Variants in CSGALNACT1 observed in about 807,000 individuals in gnomAD.
The protein encoded by CSGALNACT1 is beta4GalNAcT-1.
A neutral mutation model predicts 51.0 loss-of-function variants in CSGALNACT1; 52 were observed. The ratio of observed to expected loss-of-function variants is 1.02; its 90% CI spans 0.82 to 1.29. CSGALNACT1 has a LOEUF of 1.29. CSGALNACT1 is among the 50% of genes most tolerant of loss of function. CSGALNACT1 has a pLI of 0.00. For missense variants in CSGALNACT1, 935 were observed against 679.2 expected, an observed-to-expected ratio of 1.38 and a Z score of -4.19; for synonymous variants, 341 against 254.4, an observed-to-expected ratio of 1.34 and a Z score of -3.24.
upstream of CSGALNACT1, among the ~76,000 whole-genome samples, chr8:19,604,673 C>T (rs1179379818): frequency 3.3e-5 from 5 of 150,698 alleles, no homozygotes; most frequent in Admixed American, 2.6e-4. Context: ...TTTGGGAGGC[C>T]GAGGCGGGCA....
At chr8:19,418,439 T>C (rs532478272) in intron 8 of CSGALNACT1, among the ~76,000 whole-genome samples, 2 of 152,362 alleles carry the variant, frequency 1.3e-5, no homozygotes, top group African/African-American at 4.8e-5. Flanking sequence ...TACCTCTCTG[T>C]AAAGTACTGC....
At chr8:19,680,559 GCCCCA>G (rs1447049003) in intron 1 of CSGALNACT1, among the ~76,000 whole-genome samples, 14 of 8,106 alleles carry the variant, frequency 1.7e-3, no homozygotes, top group African/African-American at 5.6e-3. Context: ...CTGCACCCTC[GCCCCA>G]CCCCCCCCCC....
intron 1 of CSGALNACT1, among the ~76,000 whole-genome samples, chr8:19,618,081 A>C (rs531806598): frequency 1.4e-4 from 21 of 151,468 alleles, no homozygotes; most frequent in Non-Finnish European, 2.1e-4. Context: ...GTTTCACTAC[A>C]TCGCCCAGGC....
chr8:19,582,613 T>A (rs769902714), intron 3 of CSGALNACT1, among the ~76,000 whole-genome samples: 13 of 152,098 alleles, frequency 8.5e-5, no homozygotes, highest in Non-Finnish European at 1.9e-4. Flanking sequence ...TCAAAGCCAA[T>A]GAGAGTCAAT....
chr8:19,637,855 T>G (rs1407820301), intron 1 of CSGALNACT1, among the ~76,000 whole-genome samples: 1 of 151,724 alleles, frequency 6.6e-6, no homozygotes, highest in African/African-American at 2.4e-5. Context: ...TTTTTTTTTT[T>G]TAAACAAACA....
At chr8:19,639,310 A>G (rs1417563706) in intron 1 of CSGALNACT1, among the ~76,000 whole-genome samples, 1 of 152,180 alleles carries the variant, frequency 6.6e-6, no homozygotes, top group Non-Finnish European at 1.5e-5. Context: ...AGAGACAAAC[A>G]TGTCTACATC....
At chr8:19,719,525 G>C (rs1283445569) in intron 1 of CSGALNACT1, among the ~76,000 whole-genome samples, 2 of 152,052 alleles carry the variant, frequency 1.3e-5, no homozygotes, top group African/African-American at 4.8e-5. Flanking sequence ...ATCGTTTTCA[G>C]AAAAAAACAA....
intron 1 of CSGALNACT1, among the ~76,000 whole-genome samples, chr8:19,720,802 C>T (rs1052796610): frequency 1.3e-5 from 2 of 152,210 alleles, no homozygotes; most frequent in Admixed American, 6.5e-5. Context: ...GGCCAAGCAG[C>T]ATCCCAGAGG....
chr8:19,415,194 A>G (rs2056631895), intron 8 of CSGALNACT1, among the ~76,000 whole-genome samples: 1 of 152,150 alleles, frequency 6.6e-6, no homozygotes, highest in African/African-American at 2.4e-5. Context: ...GTGAGGAAAC[A>G]CTCTCACAAA....
chr8:19,691,105 A>C (rs1460899363), intron 1 of CSGALNACT1, among the ~76,000 whole-genome samples: 1 of 152,206 alleles, frequency 6.6e-6, no homozygotes, highest in Non-Finnish European at 1.5e-5. Context: ...GAAAAGAAGA[A>C]AAACACAAAT....
chr8:19,661,163 C>G (rs1461408185), intron 1 of CSGALNACT1, among the ~76,000 whole-genome samples: 2 of 152,002 alleles, frequency 1.3e-5, no homozygotes, highest in Non-Finnish European at 2.9e-5. Context: ...ATCTGCCCAC[C>G]TCAGCCTCCC....
rs113599505 is a variant in CSGALNACT1 at position 19,727,880 on chromosome 8, C to G, written c.-297+29970G>C. On this transcript the variant is annotated intron_variant, in intron 1 of 1. Transcript: ENST00000517494. ...CCTAGGCCTGCTCACCTGGAATGCT[C>G]CCCTCAGACCACATGAGAGGGAAAT... 7.6e-3 allele frequency among the ~76,000 whole-genome samples: 1,162 copies of G among 152,288 alleles called. 14 individuals are homozygous for G. Among genetic ancestry groups the G allele is most frequent in the African/African-American group, 0.026 (1,093 of 41,540 alleles).
At chr8:19,753,364 C>T (rs188320384) in intron 1 of CSGALNACT1, among the ~76,000 whole-genome samples, 2 of 150,804 alleles carry the variant, frequency 1.3e-5, no homozygotes, top group Non-Finnish European at 3.0e-5. Flanking sequence ...TTAAAAAAAA[C>T]CAGATTGTCT....
At chr8:19,730,129 GC>G (rs2154244876) in intron 1 of CSGALNACT1, among the ~76,000 whole-genome samples, 1 of 152,240 alleles carries the variant, frequency 6.6e-6, no homozygotes, top group South Asian at 2.1e-4. Flanking sequence ...ACTCTCATCT[GC>G]CTGAGTTACA....
intron 5 of CSGALNACT1, among the ~76,000 whole-genome samples, chr8:19,455,770 G>A (rs1262113111): frequency 6.6e-6 from 1 of 152,156 alleles, no homozygotes; most frequent in Non-Finnish European, 1.5e-5. Flanking sequence ...TTCTCTTTGT[G>A]TCCCATTGTC....
intron 1 of CSGALNACT1, among the ~76,000 whole-genome samples, chr8:19,709,545 G>C (rs1452737161): frequency 1.3e-5 from 2 of 152,216 alleles, no homozygotes; most frequent in East Asian, 3.9e-4. Context: ...AATGAACTGA[G>C]AGAATGAAGT....
At chr8:19,662,064 ACCCCCCCCCACCCCCCCCCC>A (rs1345676786) in intron 1 of CSGALNACT1, among the ~76,000 whole-genome samples, 1 of 37,090 alleles carries the variant, frequency 2.7e-5, no homozygotes, top group Non-Finnish European at 5.2e-5. Context: ...AGTTGCCCCC[ACCCCCCCCCACCCCCCCCCC>A]CCCCCGCATC....
chr8:19,454,057 T>A (rs547287251), intron 5 of CSGALNACT1, among the ~76,000 whole-genome samples: 2 of 152,240 alleles, frequency 1.3e-5, no homozygotes, highest in African/African-American at 2.4e-5. Context: ...AGAGACAAAG[T>A]AAAGTGGTCT....
intron 1 of CSGALNACT1, chr8:19,732,455 C>A (rs2063744820): frequency 6.6e-6 from 1 of 152,178 alleles, no homozygotes; most frequent in African/African-American, 2.4e-5. Context: ...TTCTGACTCA[C>A]CGATAGTTGA....
Sources: gnomAD v4.1 joint callset for allele counts (sites outside exome capture counted in the v4.1 genomes callset) on GRCh38, gnomAD v4.1.1 for gene constraint, MANE v1.5 for transcripts, NCBI Gene and HGNC (gene_info 2026-07-23, HGNC 2026-07-21) for gene names.